Variants in TBC1D14 observed in about 807,000 individuals in gnomAD.
TBC1D14 encodes the protein TBC1 domain family member 14, also known as TBC1 domain family, member 14.
In TBC1D14, 26 loss-of-function variants were observed where a neutral mutation model predicts 79.0. The observed-to-expected ratio is 0.33, with a 90% CI of 0.24 to 0.46. TBC1D14 has a LOEUF of 0.46. TBC1D14 is among the 20% of genes least tolerant of loss of function. The pLI is 1.00. For missense variants in TBC1D14, 769 were observed against 887.6 expected, an observed-to-expected ratio of 0.87 and a Z score of 1.70; for synonymous variants, 394 against 349.9, an observed-to-expected ratio of 1.13 and a Z score of -1.40.
At chr4:7,016,268 C>T (rs1721269743) in intron 12 of TBC1D14, among the ~76,000 whole-genome samples, 1 of 152,176 alleles carries the variant, frequency 6.6e-6, no homozygotes, top group Non-Finnish European at 1.5e-5. Flanking sequence ...GTGGCGCTGG[C>T]GGGGATGCTG....
chr4:6,967,577 A>G (rs1348131109), intron 3 of TBC1D14, among the ~76,000 whole-genome samples, 153 bp downstream of exon 3: 1 of 152,244 alleles, frequency 6.6e-6, no homozygotes, highest in Non-Finnish European at 1.5e-5. Flanking sequence ...TGTATTCACA[A>G]TGTGGATGAA....
At chr4:6,977,652 CCGCCA>C (rs1560300590) in intron 3 of TBC1D14, among the ~76,000 whole-genome samples, 4 of 148,256 alleles carry the variant, frequency 2.7e-5, no homozygotes, top group African/African-American at 9.9e-5. Flanking sequence ...CTCTGCCCGG[CCGCCA>C]TCCCATCTAG....
At chr4:7,028,694 G>A (rs1409450365) in intron 13 of TBC1D14, among the ~76,000 whole-genome samples, 2 of 152,044 alleles carry the variant, frequency 1.3e-5, no homozygotes, top group African/African-American at 4.8e-5. Context: ...CAAAGTGCTG[G>A]GATTATAGGC....
At chr4:6,977,968 C>G (rs1361007568) in intron 3 of TBC1D14, among the ~76,000 whole-genome samples, 2 of 151,056 alleles carry the variant, frequency 1.3e-5, no homozygotes, top group East Asian at 4.0e-4. Flanking sequence ...TGCCTGGCAA[C>G]CGCCCCGTCT....
At chr4:6,978,010 A>G (rs1301106365) in intron 3 of TBC1D14, among the ~76,000 whole-genome samples, 1 of 146,636 alleles carries the variant, frequency 6.8e-6, no homozygotes, top group Non-Finnish European at 1.5e-5. Flanking sequence ...CCCGGCAGCC[A>G]CTCCGTCTGG....
intron 2 of TBC1D14, among the ~76,000 whole-genome samples, chr4:6,963,141 T>C (rs1472774728): frequency 1.3e-5 from 2 of 152,222 alleles, no homozygotes; most frequent in African/African-American, 4.8e-5. Context: ...CCGGGAGGGC[T>C]CTGCAGAATG....
chr4:6,926,463 T>A (rs1191720354), intron 2 of TBC1D14, among the ~76,000 whole-genome samples: 1 of 152,254 alleles, frequency 6.6e-6, no homozygotes, highest in East Asian at 1.9e-4. Context: ...TACTCAGCTT[T>A]GTGCTGCAGG....
rs192320914 is a variant in TBC1D14, at chr4:6,935,076, C to T, written c.722+10965C>T. 4.1e-4 allele frequency among the ~76,000 whole-genome samples: 63 copies of T among 152,234 alleles called. 1 individual carries two copies. Among genetic ancestry groups the T allele is most frequent in the Non-Finnish European group, 7.1e-4 (48 of 68,014 alleles). On this transcript the variant is annotated intron_variant, in intron 2 of 13. Transcript: ENST00000409757. ...TGCTGCACTGGTCCACTGCAGTGAT[C>T]GCGCCACTGCATTCCAGCCTGGGTG... is the stretch of plus-strand genomic sequence containing the variant.
At chr4:6,965,777 A>G (rs957746860) in intron 2 of TBC1D14, among the ~76,000 whole-genome samples, 3 of 152,198 alleles carry the variant, frequency 2.0e-5, no homozygotes, top group Non-Finnish European at 4.4e-5. Context: ...TTGGCCTCCT[A>G]AAGTGCTGAG....
At chr4:7,002,812 TGG>T (rs1454525020) in intron 7 of TBC1D14, among the ~76,000 whole-genome samples, 1 of 152,228 alleles carries the variant, frequency 6.6e-6, no homozygotes, top group Non-Finnish European at 1.5e-5. Context: ...CAAACAAACT[TGG>T]TTGCTGAGTA....
intron 12 of TBC1D14, among the ~76,000 whole-genome samples, chr4:7,017,412 T>C (rs925652524): frequency 1.3e-5 from 2 of 152,122 alleles, no homozygotes; most frequent in African/African-American, 2.4e-5. Flanking sequence ...TCTACCCGGC[T>C]CTAGAGCTGT....
chr4:6,935,833 G>T (rs1189029620), intron 2 of TBC1D14, among the ~76,000 whole-genome samples: 1 of 151,918 alleles, frequency 6.6e-6, no homozygotes, highest in Non-Finnish European at 1.5e-5. Flanking sequence ...TAGTAGAAAT[G>T]GGGTTTCACT....
intron 7 of TBC1D14, 150 bp from the exon 8 acceptor site, chr4:7,004,694 T>G: frequency 1.6e-6 from 1 of 634,234 alleles, no homozygotes. Context: ...CAGGCCAAGT[T>G]GGGGGGAATT....
In TBC1D14 at chr4:6,943,136, G is replaced by A. The variant is rs80128819; in HGVS notation, c.722+19025G>A. 9.5e-3 allele frequency among the ~76,000 whole-genome samples: 1,448 copies of A among 152,266 alleles called. 30 individuals carry two copies. The highest frequency in any genetic ancestry group is 0.033 in the African/African-American group (1,354 of 41,538). ...GTATTACACCAAAGCAGGGGAGAGC[G>A]TGTGTAGGGACCAGTGTGGGAGTTC... On this transcript the variant is annotated intron_variant, in intron 2 of 13. Transcript: ENST00000409757.
intron 3 of TBC1D14, chr4:6,987,433 G>A (rs1717975137): frequency 8.1e-6 from 10 of 1,238,332 alleles, no homozygotes; most frequent in Non-Finnish European, 1.0e-5. Flanking sequence ...GGGCCTGCCA[G>A]CCCTGCGGCC....
chr4:6,936,939 CAG>C (rs1712393890), intron 2 of TBC1D14, among the ~76,000 whole-genome samples: 1 of 151,934 alleles, frequency 6.6e-6, no homozygotes, highest in Non-Finnish European at 1.5e-5. Context: ...TTTTTTGAGA[CAG>C]AGTTTTGCTC....
At chr4:6,911,326 G>C (rs949219842) in intron 1 of TBC1D14, among the ~76,000 whole-genome samples, 1 of 152,240 alleles carries the variant, frequency 6.6e-6, no homozygotes, top group Admixed American at 6.5e-5. Context: ...AAGGGTGTCA[G>C]CTGGTACTAA....
intron 2 of TBC1D14, among the ~76,000 whole-genome samples, chr4:6,953,920 CAGGT>C (rs1714360779): frequency 6.6e-6 from 1 of 152,176 alleles, no homozygotes; most frequent in Admixed American, 6.5e-5. Flanking sequence ...GGTTTTGTGA[CAGGT>C]AGCCTGGACG....
At chr4:6,983,144 G>A (rs948345334) in intron 3 of TBC1D14, among the ~76,000 whole-genome samples, 8 of 152,008 alleles carry the variant, frequency 5.3e-5, no homozygotes, top group African/African-American at 1.9e-4. Flanking sequence ...GCTAATTTTT[G>A]TATTTTTAGT....
Sources: gnomAD v4.1 joint callset for allele counts (sites outside exome capture counted in the v4.1 genomes callset) on GRCh38, gnomAD v4.1.1 for gene constraint, MANE v1.5 for transcripts, NCBI Gene and HGNC (gene_info 2026-07-23, HGNC 2026-07-21) for gene names.